Variants in POLN observed in about 807,000 individuals in gnomAD.
POLN encodes the protein DNA polymerase nu, also known as DNA polymerase N.
POLN carries 108 observed loss-of-function variants against 113.5 expected under a neutral mutation model. That is an observed-to-expected ratio of 0.95 (90% confidence interval 0.81 to 1.12). The LOEUF is 1.12. Ranked by LOEUF, POLN falls within the 50% of genes most tolerant of loss-of-function variation. The probability of loss-of-function intolerance (pLI) is 0.00; values close to 1 mark genes in which losing one functional copy is unlikely to be tolerated. For missense variants in POLN, 1,097 were observed against 1,077.1 expected (o/e 1.02, Z -0.26); for synonymous variants, 386 against 391.5 (o/e 0.99, Z 0.17).
intron 5 of POLN, 143 bp downstream of exon 5, chr4:2,207,844 A>C: frequency 3.3e-6 from 3 of 911,940 alleles, no homozygotes; most frequent in Non-Finnish European, 4.8e-6. Context: ...TGATGGGAGC[A>C]TACATTGTCA....
In POLN at chr4:2,208,073, G is replaced by C; in HGVS notation, c.628C>G (p.Gln210Glu). The C allele has an allele frequency of 6.2e-7, 1 of 1,614,150 alleles. No homozygotes were observed. The highest frequency in any genetic ancestry group is 8.5e-7 in the Non-Finnish European group (1 of 1,180,024). Residue 210 changes from glutamine to glutamate, a missense_variant, in exon 5 of 26, where the codon CAG becomes GAG. Gln to Glu is a conservative substitution (Grantham distance 29). Transcript: ENST00000511885. ...GCCTGTTTGAGCATTTCAATCAGCT[G>C]GCTTTTTGCCCAATCATCCAAATGC... Reference protein sequence around the residue: ...IRHLDDWAKSQLIEMLKQAAA... With the variant: ...IRHLDDWAKSELIEMLKQAAA...
chr4:2,234,916 T>C (rs1442624962), intron 2 of POLN, among the ~76,000 whole-genome samples: 1 of 152,156 alleles, frequency 6.6e-6, no homozygotes, highest in African/African-American at 2.4e-5. Context: ...CACCAAGTCT[T>C]GCTCTGTCGC....
At chr4:2,232,634 T>C (rs1734622775) in intron 2 of POLN, among the ~76,000 whole-genome samples, 1 of 152,128 alleles carries the variant, frequency 6.6e-6, no homozygotes, top group Non-Finnish European at 1.5e-5. Context: ...CAAATCTCCA[T>C]TTTTCATTTT....
At chr4:2,238,062 G>C (rs1734830829) in intron 2 of POLN, among the ~76,000 whole-genome samples, 1 of 152,112 alleles carries the variant, frequency 6.6e-6, no homozygotes, top group Admixed American at 6.5e-5. Flanking sequence ...GAAAAATGAG[G>C]AGTAGGAGAC....
intron 7 of POLN, among the ~76,000 whole-genome samples, chr4:2,182,194 T>C (rs1007270963): frequency 1.3e-5 from 2 of 152,136 alleles, no homozygotes; most frequent in Non-Finnish European, 2.9e-5. Flanking sequence ...ATGGGTGGAA[T>C]TGTGGTCCTC....
chr4:2,089,768 G>C (rs556041691), intron 20 of POLN: 1 of 726,160 alleles, frequency 1.4e-6, no homozygotes, highest in African/African-American at 1.8e-5. Flanking sequence ...TTTAAATCTG[G>C]TATTTCTTTG....
chr4:2,097,507 T>C (rs367620048), intron 19 of POLN, among the ~76,000 whole-genome samples: 10 of 152,134 alleles, frequency 6.6e-5, no homozygotes, highest in East Asian at 3.9e-4. Context: ...CCTGCCACCA[T>C]GCCCAGCTAA....
intron 19 of POLN, among the ~76,000 whole-genome samples, chr4:2,097,776 C>G (rs1030197036): frequency 1.3e-5 from 2 of 152,196 alleles, no homozygotes; most frequent in Non-Finnish European, 2.9e-5. Context: ...AGTTGAAAAG[C>G]TGGGATTACA....
rs554311372 is a variant in POLN, at chr4:2,080,644, C to T, written c.2387+314G>A. The T allele has an allele frequency of 3.9e-4, 500 of 1,277,104 alleles. 1 individual carries two copies. In the East Asian group the frequency reaches 6.2e-3, roughly 16 times the overall value. The allele number at this position is 1,277,104 out of a possible 1,614,324, so 79.1% of individuals were successfully genotyped here. ...GTCCTGCTCAAGGGGCTGAGGGGTT[C>T]GCCTGCCTCTGGGGTGGGCAGCCTC... On this transcript the variant is annotated intron_variant, in intron 23 of 25. Transcript: ENST00000511885.
chr4:2,121,963 T>C (rs1457194392), intron 19 of POLN, among the ~76,000 whole-genome samples: 1 of 152,136 alleles, frequency 6.6e-6, no homozygotes, highest in Non-Finnish European at 1.5e-5. Context: ...ATGTAAGCAT[T>C]TCGTGCTATA....
At chr4:2,155,676 T>A (rs553670054) in intron 16 of POLN, among the ~76,000 whole-genome samples, 6 of 152,226 alleles carry the variant, frequency 3.9e-5, no homozygotes, top group African/African-American at 7.2e-5. Flanking sequence ...ATATTCATAT[T>A]TATATATATA....
intron 20 of POLN, among the ~76,000 whole-genome samples, chr4:2,092,796 T>C (rs1350165106): frequency 1.3e-5 from 2 of 152,366 alleles, no homozygotes; most frequent in African/African-American, 2.4e-5. Flanking sequence ...AGCTCCTCTA[T>C]GGAGTTTCCA....
chr4:2,209,707 G>A (rs1360814201), intron 4 of POLN, among the ~76,000 whole-genome samples: 2 of 134,850 alleles, frequency 1.5e-5, no homozygotes, highest in African/African-American at 5.9e-5. Flanking sequence ...TGTTGCCCAG[G>A]CTGAAGTGCA....
chr4:2,237,018 G>C (rs554485883), intron 2 of POLN, among the ~76,000 whole-genome samples: 1 of 151,900 alleles, frequency 6.6e-6, no homozygotes, highest in East Asian at 1.9e-4. Flanking sequence ...GTCTATTACT[G>C]AATTCCCAGT....
At chr4:2,088,358 TATGAACAAA>T (rs2108694191) in intron 20 of POLN, among the ~76,000 whole-genome samples, 1 of 152,328 alleles carries the variant, frequency 6.6e-6, no homozygotes, top group Admixed American at 6.5e-5. Context: ...CATTTTCGTT[TATGAACAAA>T]GCACAAAAAT....
intron 16 of POLN, among the ~76,000 whole-genome samples, chr4:2,142,561 C>A (rs1490391906): frequency 6.6e-6 from 1 of 152,170 alleles, no homozygotes; most frequent in Non-Finnish European, 1.5e-5. Flanking sequence ...GGCTAGGGAC[C>A]GTGGGACCCA....
intron 20 of POLN, among the ~76,000 whole-genome samples, chr4:2,090,862 C>T (rs1730648019): frequency 6.6e-6 from 1 of 152,196 alleles, no homozygotes; most frequent in South Asian, 2.1e-4. Flanking sequence ...AGGATCTGAG[C>T]AGAGTTCAAA....
chr4:2,156,102 G>C (rs1732416711), intron 16 of POLN, among the ~76,000 whole-genome samples: 1 of 152,132 alleles, frequency 6.6e-6, no homozygotes. Context: ...AAAGTGCTGG[G>C]ATTACAGGCA....
At chr4:2,169,230 G>A (rs1035027556) in intron 13 of POLN, among the ~76,000 whole-genome samples, 13 of 152,204 alleles carry the variant, frequency 8.5e-5, no homozygotes, top group African/African-American at 3.1e-4. Context: ...CAGATTTGAT[G>A]CTAAGTGCAA....
Sources: allele counts gnomAD v4.1 joint callset (sites outside exome capture counted in the v4.1 genomes callset), GRCh38; gene constraint gnomAD v4.1.1; transcripts MANE v1.5; gene names NCBI Gene and HGNC (gene_info 2026-07-23, HGNC 2026-07-21).